Variants in CAMKV observed in about 807,000 individuals in gnomAD.
CAMKV encodes the protein CaM kinase like vesicle associated, also known as caM kinase-like vesicle-associated protein.
In CAMKV, 5 loss-of-function variants were observed where a neutral mutation model predicts 50.2. The ratio of observed to expected loss-of-function variants is 0.10; its 90% CI spans 0.05 to 0.21. The LOEUF (loss-of-function observed/expected upper bound fraction) is 0.21. Ranked by LOEUF, CAMKV falls within the 10% of genes least tolerant of loss-of-function variation. CAMKV has a pLI of 1.00. For missense variants in CAMKV, 361 were observed against 650.5 expected, an observed-to-expected ratio of 0.55 and a Z score of 4.84; for synonymous variants, 229 against 250.1, an observed-to-expected ratio of 0.92 and a Z score of 0.80.
At position 49,860,914 on chromosome 3, in the gene CAMKV, C is replaced by T. The variant is rs779931517; in HGVS notation, c.638+29G>A. 13 of 1,613,874 alleles carry T rather than the reference C, an allele frequency of 8.1e-6. No homozygotes were observed. In the Middle Eastern group the frequency reaches 4.9e-4, roughly 61 times the overall value. ...CACATGCCCCCACCCCATCTGACTGCAAGCCTGCTTGTCCATCTGTCCACT... is the reference window on the plus strand; with the variant it reads ...CACATGCCCCCACCCCATCTGACTGTAAGCCTGCTTGTCCATCTGTCCACT... On this transcript the variant is annotated intron_variant, in intron 7 of 10. Transcript: ENST00000477224. This position sits in a 1 kb window ranked among gnomAD's most constrained non-coding sequence, Gnocchi z 6.1.
chr3:49,859,180 C>A lies in CAMKV; in HGVS notation c.*138G>T. On this transcript the variant is annotated 3_prime_UTR_variant, in exon 11 of 11. Transcript: ENST00000477224. This position sits in a 1 kb window ranked among gnomAD's most constrained non-coding sequence, Gnocchi z 5.5. ...AGACGAGACTGCTCTCCCGTGACCC[C>A]TAGTTATGCCCCACTGGGATGTGGG... 1 of 782,896 alleles carries A rather than the reference C, an allele frequency of 1.3e-6. No homozygotes were observed. The allele number at this position is 782,896 out of a possible 1,614,324, so 48.5% of individuals were successfully genotyped here. A position where few individuals can be genotyped will look rare whatever the true frequency, so the allele number is the denominator to read the frequency against.
chr3:49,858,373 G>A lies in CAMKV; in HGVS notation c.*945C>T, dbSNP rs1037264020. The A allele has an allele frequency of 2.5e-6, 1 of 398,548 alleles. No homozygotes were observed. The highest frequency in any genetic ancestry group is 2.1e-5 in the African/African-American group (1 of 48,640). The allele number at this position is 398,548 out of a possible 1,614,324, so 24.7% of individuals were successfully genotyped here. A position where few individuals can be genotyped will look rare whatever the true frequency, so the allele number is the denominator to read the frequency against. On this transcript the variant is annotated 3_prime_UTR_variant, in exon 11 of 11. Transcript: ENST00000477224. ...GGCAAACCTCCAAATCAGATTATGA[G>A]TTATTGCCATGCAGCAAGCCCCCTA...
intron 1 of CAMKV, among the ~76,000 whole-genome samples, chr3:49,865,893 T>G (rs894595999): frequency 6.6e-6 from 1 of 152,256 alleles, no homozygotes; most frequent in Non-Finnish European, 1.5e-5. Context: ...TCCTTGATCC[T>G]GGCCCCAGCT....
chr3:49,861,567 T>G lies in CAMKV; in HGVS notation c.313A>C (p.Arg105=), dbSNP rs922544802. 2 of 1,613,772 alleles carry G rather than the reference T, an allele frequency of 1.2e-6. No individual in the cohort carries two copies. Among genetic ancestry groups the G allele is most frequent in the Non-Finnish European group, 1.7e-6 (2 of 1,179,952 alleles). ...YFIFLELATG[R]EVFDWILDQG... is the part of the protein sequence containing the mutation. ...TCCAGGATCCAGTCAAACACCTCCCTCCCCGTGGCCCTGAGGGACACCAGC... is the reference window on the plus strand; with the variant it reads ...TCCAGGATCCAGTCAAACACCTCCCGCCCCGTGGCCCTGAGGGACACCAGC... The change falls in exon 5 of 11, where the codon AGG becomes CGG. Residue 105 remains arginine (R), a synonymous_variant. Coordinates refer to ENST00000477224, the MANE Select transcript of CAMKV (RefSeq NM_024046.5). The surrounding 1 kb of genome is among the most constrained non-coding windows in gnomAD (Gnocchi z 7.7).
At position 49,860,592 on chromosome 3, in the gene CAMKV, C is replaced by T; in HGVS notation, c.776-43G>A. Reference sequence around the variant, plus strand: ...AAGGGGATAGTCATGGGCACCCCATCTCAATGTCTAGAGGTGATAAATGGG... The same window carrying T: ...AAGGGGATAGTCATGGGCACCCCATTTCAATGTCTAGAGGTGATAAATGGG... On this transcript the variant is annotated intron_variant, in intron 8 of 10. Coordinates refer to ENST00000477224, the MANE Select transcript of CAMKV (RefSeq NM_024046.5). This position sits in a 1 kb window ranked among gnomAD's most constrained non-coding sequence, Gnocchi z 6.1. 1 of 1,611,752 alleles carries T rather than the reference C, an allele frequency of 6.2e-7. No homozygotes were observed. The highest frequency in any genetic ancestry group is 2.2e-5 in the East Asian group (1 of 44,858).
At position 49,860,633 on chromosome 3, in the gene CAMKV, A is replaced by C; in HGVS notation, c.775+83T>G. 1 of 1,611,340 alleles carries C rather than the reference A, an allele frequency of 6.2e-7. No homozygotes were observed. Among genetic ancestry groups the C allele is most frequent in the South Asian group, 1.1e-5 (1 of 90,992 alleles). On this transcript the variant is annotated intron_variant, in intron 8 of 10. Transcript: ENST00000477224. This position sits in a 1 kb window ranked among gnomAD's most constrained non-coding sequence, Gnocchi z 6.1. ...GATAAATGGGCTGGGGGACAGAAGC[A>C]GAATACCACAGAGGAAGATGAGAGC...
chr3:49,858,987 G>A lies in CAMKV; in HGVS notation c.*331C>T. On this transcript the variant is annotated 3_prime_UTR_variant, in exon 11 of 11. Coordinates refer to ENST00000477224, the MANE Select transcript of CAMKV (RefSeq NM_024046.5). ...CCTAGGGGAATGGTGAGGCAAGAAG[G>A]GAAGGGGAAGGAGAGCAGGAGCCCC... 4.1e-6 allele frequency: 1 copy of A among 242,564 alleles called. No individual in the cohort carries two copies. Among genetic ancestry groups the A allele is most frequent in the South Asian group, 1.2e-4 (1 of 8,530 alleles). 15.0% of individuals were successfully genotyped at this position (242,564 alleles called of 1,614,324 possible).
chr3:49,862,420 T>C lies in CAMKV; in HGVS notation c.-14-18A>G. On this transcript the variant is annotated intron_variant, in intron 1 of 10. Coordinates refer to ENST00000477224, the MANE Select transcript of CAMKV (RefSeq NM_024046.5). The surrounding 1 kb of genome is among the most constrained non-coding windows in gnomAD (Gnocchi z 5.2). ...GCTCTAACCTGCGGGCACAATGGGG[T>C]CTGGCTTAGCTGTACTACTCTCCAC... The C allele has an allele frequency of 6.2e-7, 1 of 1,601,862 alleles. No individual in the cohort carries two copies. The highest frequency in any genetic ancestry group is 8.6e-7 in the Non-Finnish European group (1 of 1,168,752).
chr3:49,862,675 C>CA lies in CAMKV; in HGVS notation c.-14-274dup, dbSNP rs545386713. ...GGAATAGTTTTGTATTCTATACATT[C>CA]AAAAAAAAGGCTTATCAAACAGTTT... On this transcript the variant is annotated intron_variant, in intron 1 of 10. Coordinates refer to ENST00000477224, the MANE Select transcript of CAMKV (RefSeq NM_024046.5). The surrounding 1 kb of genome is among the most constrained non-coding windows in gnomAD (Gnocchi z 5.2). Among the ~76,000 whole-genome samples the CA allele has an allele frequency of 1.5e-3, 223 of 151,624 alleles. No individual in the cohort carries two copies. Among genetic ancestry groups the CA allele is most frequent in the African/African-American group, 3.2e-3 (134 of 41,412 alleles).
In CAMKV at chr3:49,862,461, G is replaced by T; in HGVS notation, c.-14-59C>A. ...TACTCTCCACTTCCCCACAACATAG[G>T]GGCTGCTTTTGGGAGACCCCAACCT... On this transcript the variant is annotated intron_variant, in intron 1 of 10. Transcript: ENST00000477224. The surrounding 1 kb of genome is among the most constrained non-coding windows in gnomAD (Gnocchi z 5.2). 6.7e-7 allele frequency: 1 copy of T among 1,486,860 alleles called. No homozygotes were observed. The highest frequency in any genetic ancestry group is 1.1e-5 in the South Asian group (1 of 88,894). 92.1% of individuals were successfully genotyped at this position (1,486,860 alleles called of 1,614,324 possible). A position where few individuals can be genotyped will look rare whatever the true frequency, so the allele number is the denominator to read the frequency against.
chr3:49,858,463 C>T lies in CAMKV; in HGVS notation c.*855G>A. 2.5e-6 allele frequency: 1 copy of T among 396,864 alleles called. No homozygotes were observed. The highest frequency in any genetic ancestry group is 4.4e-5 in the Admixed American group (1 of 22,696). 24.6% of individuals were successfully genotyped at this position (396,864 alleles called of 1,614,324 possible). A position where few individuals can be genotyped will look rare whatever the true frequency, so the allele number is the denominator to read the frequency against. On this transcript the variant is annotated 3_prime_UTR_variant, in exon 11 of 11. Coordinates refer to ENST00000477224, the MANE Select transcript of CAMKV (RefSeq NM_024046.5). ...GCATCTAGGAAGAGCAAGGAGGTATCAGCCCTCCCTGTTTGGCCCAGGGTA... is the reference window on the plus strand; with the variant it reads ...GCATCTAGGAAGAGCAAGGAGGTATTAGCCCTCCCTGTTTGGCCCAGGGTA...
Position 49,860,146 on chromosome 3 carries a change from A to C in CAMKV, c.942+25T>G. The C allele has an allele frequency of 6.3e-7, 1 of 1,599,342 alleles. No homozygotes were observed. The highest frequency in any genetic ancestry group is 8.6e-7 in the Non-Finnish European group (1 of 1,166,508). On this transcript the variant is annotated intron_variant, in intron 10 of 10. Transcript: ENST00000477224. The surrounding 1 kb of genome is among the most constrained non-coding windows in gnomAD (Gnocchi z 6.1). ...CAGAAGCAATACTTGGGATAGAGCCAAGAAGGGAGTTATCCAAGCCTTACC... is the reference window on the plus strand; with the variant it reads ...CAGAAGCAATACTTGGGATAGAGCCCAGAAGGGAGTTATCCAAGCCTTACC...
intron 1 of CAMKV, among the ~76,000 whole-genome samples, chr3:49,866,922 C>T (rs1467373247): frequency 6.6e-6 from 1 of 152,224 alleles, no homozygotes; most frequent in Non-Finnish European, 1.5e-5. Flanking sequence ...AACAGAGTTT[C>T]CTGCTACCTT....
rs988022741 is a variant in CAMKV, at chr3:49,869,445, G to T, written c.-15+313C>A. Among the ~76,000 whole-genome samples the T allele has an allele frequency of 2.0e-5, 3 of 152,208 alleles. No homozygotes were observed. The highest frequency in any genetic ancestry group is 2.9e-5 in the Non-Finnish European group (2 of 68,026). The stretch of plus-strand genomic sequence containing the variant: ...CTGGAGGCGGCTCTGGGAACGGGGA[G>T]GGACGGCTCAGCTCTCGGCCCCTAT... On this transcript the variant is annotated intron_variant, in intron 1 of 10. Coordinates refer to ENST00000477224, the MANE Select transcript of CAMKV (RefSeq NM_024046.5). This position sits in a 1 kb window ranked among gnomAD's most constrained non-coding sequence, Gnocchi z 5.2.
In CAMKV at chr3:49,860,094, G is replaced by A; in HGVS notation, c.942+77C>T. ...GAAAAGCTTGTGTGTGGCTGCAGGGGTGTGATGCAGGCAAGAAACTGAGTG... is the reference window on the plus strand; with the variant it reads ...GAAAAGCTTGTGTGTGGCTGCAGGGATGTGATGCAGGCAAGAAACTGAGTG... On this transcript the variant is annotated intron_variant, in intron 10 of 10. Coordinates refer to ENST00000477224, the MANE Select transcript of CAMKV (RefSeq NM_024046.5). The surrounding 1 kb of genome is among the most constrained non-coding windows in gnomAD (Gnocchi z 6.1). The A allele has an allele frequency of 3.8e-6, 5 of 1,309,892 alleles. No homozygotes were observed. The highest frequency in any genetic ancestry group is 3.6e-5 in the South Asian group (3 of 84,192). 81.1% of individuals were successfully genotyped at this position (1,309,892 alleles called of 1,614,324 possible). A position where few individuals can be genotyped will look rare whatever the true frequency, so the allele number is the denominator to read the frequency against.
Position 49,858,618 on chromosome 3 carries a change from G to A in CAMKV, c.*700C>T, listed in dbSNP as rs2081996375. On this transcript the variant is annotated 3_prime_UTR_variant, in exon 11 of 11. Coordinates refer to ENST00000477224, the MANE Select transcript of CAMKV (RefSeq NM_024046.5). ...GGTTCAGGGTACAGGGCAGCCCACT[G>A]CAGGACTCGGAAAGGCAGGAAATAA... The A allele has an allele frequency of 1.1e-5, 4 of 362,602 alleles. No homozygotes were observed. The highest frequency in any genetic ancestry group is 2.0e-5 in the Non-Finnish European group (4 of 203,992). The allele number at this position is 362,602 out of a possible 1,614,324, so 22.5% of individuals were successfully genotyped here.
In CAMKV at chr3:49,869,579, C is replaced by G. The variant is rs934250773; in HGVS notation, c.-15+179G>C. On this transcript the variant is annotated intron_variant, in intron 1 of 10. Transcript: ENST00000477224. The surrounding 1 kb of genome is among the most constrained non-coding windows in gnomAD (Gnocchi z 5.2). ...GTCCGAGGTAATGGGGAACTTTAGCCCGACCCCGCACTCCCTCCCCCAAAT... is the reference window on the plus strand; with the variant it reads ...GTCCGAGGTAATGGGGAACTTTAGCGCGACCCCGCACTCCCTCCCCCAAAT... 6.6e-6 allele frequency among the ~76,000 whole-genome samples: 1 copy of G among 152,162 alleles called. No homozygotes were observed. Among genetic ancestry groups the G allele is most frequent in the African/African-American group, 2.4e-5 (1 of 41,454 alleles).
Position 49,860,919 on chromosome 3 carries a change from C to G in CAMKV, c.638+24G>C, listed in dbSNP as rs746611666. On this transcript the variant is annotated intron_variant, in intron 7 of 10. Transcript: ENST00000477224. This position sits in a 1 kb window ranked among gnomAD's most constrained non-coding sequence, Gnocchi z 6.1. ...GCCCCCACCCCATCTGACTGCAAGC[C>G]TGCTTGTCCATCTGTCCACTCACAG... 19 of 1,613,866 alleles carry G rather than the reference C, an allele frequency of 1.2e-5. No homozygotes were observed. Among genetic ancestry groups the G allele is most frequent in the Admixed American group, 3.3e-5 (2 of 60,002 alleles).
At position 49,861,571 on chromosome 3, in the gene CAMKV, C is replaced by T. The variant is rs775258717; in HGVS notation, c.309G>A (p.Thr103=). 1.1e-5 allele frequency: 17 copies of T among 1,613,986 alleles called. No homozygotes were observed. Among genetic ancestry groups the T allele is most frequent in the Admixed American group, 6.7e-5 (4 of 60,002 alleles). The change falls in exon 5 of 11, where the codon ACG becomes ACA. Residue 103 remains threonine (T), a synonymous_variant. Transcript: ENST00000477224. The surrounding 1 kb of genome is among the most constrained non-coding windows in gnomAD (Gnocchi z 7.7). Reference sequence around the variant, plus strand: ...GGATCCAGTCAAACACCTCCCTCCCCGTGGCCCTGAGGGACACCAGCCCCT... The same window carrying T: ...GGATCCAGTCAAACACCTCCCTCCCTGTGGCCCTGAGGGACACCAGCCCCT... ...KEYFIFLELA[T]GREVFDWILD...
Sources: gnomAD v4.1 joint callset for allele counts (sites outside exome capture counted in the v4.1 genomes callset) on GRCh38, gnomAD v4.1.1 for gene constraint, Gnocchi (gnomAD v3.1) non-coding constraint, MANE v1.5 for transcripts, NCBI Gene and HGNC (gene_info 2026-07-23, HGNC 2026-07-21) for gene names.